The following NUAK1 variants were observed in gnomAD, a reference collection of about 807,000 sequenced individuals.
The protein encoded by NUAK1 is NUAK family SNF1-like kinase 1.
Under a neutral mutation model 56.9 loss-of-function variants are expected in NUAK1, and 26 were observed. The ratio of observed to expected loss-of-function variants is 0.46; its 90% CI spans 0.33 to 0.63. The LOEUF (loss-of-function observed/expected upper bound fraction) is 0.63. Ranked by LOEUF, NUAK1 falls within the 30% of genes least tolerant of loss-of-function variation. NUAK1 has a pLI of 0.02. For missense variants in NUAK1, 727 were observed against 876.1 expected (o/e 0.83, Z 2.15); for synonymous variants, 337 against 336.0 (o/e 1.00, Z -0.03).
chr12:106,075,787 AG>A (rs948726146), intron 4 of NUAK1, among the ~76,000 whole-genome samples: 2 of 152,268 alleles, frequency 1.3e-5, no homozygotes, highest in Non-Finnish European at 2.9e-5. Context: ...CTTTGGATTA[AG>A]TCAAGAAGAA....
chr12:106,109,638 C>T (rs1461143432), intron 1 of NUAK1, among the ~76,000 whole-genome samples: 1 of 152,008 alleles, frequency 6.6e-6, no homozygotes, highest in South Asian at 2.1e-4. Flanking sequence ...TACACTGAGC[C>T]AGTGCACAGA....
At chr12:106,136,452 C>G (rs1375138657) in intron 1 of NUAK1, among the ~76,000 whole-genome samples, 2 of 152,188 alleles carry the variant, frequency 1.3e-5, no homozygotes, top group South Asian at 4.1e-4. Flanking sequence ...GAAAGGCGGA[C>G]TCCTGCCTAC....
At chr12:106,074,734 G>A (rs962583291) in intron 4 of NUAK1, among the ~76,000 whole-genome samples, 1 of 152,156 alleles carries the variant, frequency 6.6e-6, no homozygotes, top group Non-Finnish European at 1.5e-5. Context: ...AGGCTCTGTG[G>A]TGGTCACAGC....
At chr12:106,118,845 G>A (rs1305402096) in intron 1 of NUAK1, among the ~76,000 whole-genome samples, 1 of 152,238 alleles carries the variant, frequency 6.6e-6, no homozygotes, top group Non-Finnish European at 1.5e-5. Flanking sequence ...GACATCTGAA[G>A]CCAGCCCGGC....
At chr12:106,111,178 G>A (rs544130892) in intron 1 of NUAK1, among the ~76,000 whole-genome samples, 1 of 152,250 alleles carries the variant, frequency 6.6e-6, no homozygotes, top group African/African-American at 2.4e-5. Context: ...GTGGAAACTA[G>A]GTAAGTAAAG....
chr12:106,088,244 A>G (rs1255490343), intron 2 of NUAK1, among the ~76,000 whole-genome samples: 2 of 152,186 alleles, frequency 1.3e-5, no homozygotes, highest in Non-Finnish European at 2.9e-5. Context: ...GAAATCCATC[A>G]TCACTCTTAA....
At chr12:106,132,193 T>C (rs544466142) in intron 1 of NUAK1, among the ~76,000 whole-genome samples, 1 of 152,376 alleles carries the variant, frequency 6.6e-6, no homozygotes, top group African/African-American at 2.4e-5. Flanking sequence ...AGGGTCTGCC[T>C]GTCTTTTCAG....
At chr12:106,136,607 A>G (rs2033131995) in intron 1 of NUAK1, among the ~76,000 whole-genome samples, 1 of 152,174 alleles carries the variant, frequency 6.6e-6, no homozygotes, top group East Asian at 1.9e-4. Flanking sequence ...GTGCCCCAGC[A>G]TTTAGACTTT....
intron 2 of NUAK1, 131 bp from the exon 3 acceptor site, chr12:106,087,016 T>A: frequency 8.9e-7 from 1 of 1,127,330 alleles, no homozygotes; most frequent in South Asian, 1.6e-5. Flanking sequence ...AGAACACAAA[T>A]CAGCCAATTC....
intron 2 of NUAK1, among the ~76,000 whole-genome samples, chr12:106,092,413 G>A (rs973551543): frequency 6.6e-6 from 1 of 152,028 alleles, no homozygotes; most frequent in African/African-American, 2.4e-5. Context: ...AGCTACTCAG[G>A]AGGTTGAGGG....
chr12:106,116,059 G>A (rs752896061), intron 1 of NUAK1, among the ~76,000 whole-genome samples: 22 of 152,060 alleles, frequency 1.4e-4, no homozygotes, highest in Admixed American at 5.2e-4. Context: ...TTATAACCTC[G>A]CTCACCATTG....
intron 1 of NUAK1, among the ~76,000 whole-genome samples, chr12:106,110,408 C>T (rs1459586922): frequency 1.3e-5 from 2 of 152,134 alleles, no homozygotes; most frequent in African/African-American, 4.8e-5. Flanking sequence ...GGGCAATAAG[C>T]AAAACTCACA....
rs534554844 is a variant in NUAK1, at chr12:106,063,490, C to T, written c.*3312G>A. 13 of 152,646 alleles carry T rather than the reference C, an allele frequency of 8.5e-5. No homozygotes were observed. In the South Asian group the frequency reaches 1.0e-3, roughly 12 times the overall value. The allele number at this position is 152,646 out of a possible 1,614,324, so 9.5% of individuals were successfully genotyped here. A position where few individuals can be genotyped will look rare whatever the true frequency, so the allele number is the denominator to read the frequency against. On this transcript the variant is annotated 3_prime_UTR_variant, in exon 7 of 7. Transcript: ENST00000261402. ...CCCTGTAGGCTGTTCTGGGCTCAAA[C>T]CAATCAAATGAGTGAAAACCAATTT...
chr12:106,132,174 G>A (rs1175120223), intron 1 of NUAK1, among the ~76,000 whole-genome samples: 8 of 152,208 alleles, frequency 5.3e-5, no homozygotes, highest in Admixed American at 3.3e-4. Context: ...AGGGGAATTC[G>A]TGCAGAAAAG....
At chr12:106,113,217 G>A (rs1295655594) in intron 1 of NUAK1, among the ~76,000 whole-genome samples, 3 of 152,110 alleles carry the variant, frequency 2.0e-5, no homozygotes, top group Non-Finnish European at 4.4e-5. Context: ...CTAAGAAACC[G>A]TGGGCAGATT....
chr12:106,063,424 G>A lies in NUAK1; in HGVS notation c.*3378C>T, dbSNP rs2032302498. On this transcript the variant is annotated 3_prime_UTR_variant, in exon 7 of 7. Coordinates refer to ENST00000261402, the MANE Select transcript of NUAK1 (RefSeq NM_014840.3). The stretch of plus-strand genomic sequence containing the variant: ...AATGAAACAAAAATCAGTTTCCAAC[G>A]AAAATACAAACACTTTGGGTGGTTA... 2 of 152,528 alleles carry A rather than the reference G, an allele frequency of 1.3e-5. No homozygotes were observed. Among genetic ancestry groups the A allele is most frequent in the Non-Finnish European group, 2.9e-5 (2 of 67,972 alleles). 9.4% of individuals were successfully genotyped at this position (152,528 alleles called of 1,614,324 possible).
At chr12:106,112,563 C>T (rs979795599) in intron 1 of NUAK1, among the ~76,000 whole-genome samples, 11 of 152,142 alleles carry the variant, frequency 7.2e-5, no homozygotes, top group Non-Finnish European at 1.3e-4. Flanking sequence ...TAAATGACCC[C>T]GGGCTCTTTA....
In NUAK1 at chr12:106,063,789, G is replaced by C. The variant is rs1246449531; in HGVS notation, c.*3013C>G. The stretch of plus-strand genomic sequence containing the variant: ...AACATTTCCAGTTTGGCAACAAGCA[G>C]TCAGTCGATCATTCACATTTGTACT... On this transcript the variant is annotated 3_prime_UTR_variant, in exon 7 of 7. Coordinates refer to ENST00000261402, the MANE Select transcript of NUAK1 (RefSeq NM_014840.3). 1 of 152,066 alleles carries C rather than the reference G, an allele frequency of 6.6e-6. No homozygotes were observed. Among genetic ancestry groups the C allele is most frequent in the African/African-American group, 2.4e-5 (1 of 41,186 alleles). 9.4% of individuals were successfully genotyped at this position (152,066 alleles called of 1,614,324 possible). A position where few individuals can be genotyped will look rare whatever the true frequency, so the allele number is the denominator to read the frequency against.
At chr12:106,097,640 T>C (rs58813974) in intron 2 of NUAK1, among the ~76,000 whole-genome samples, 2,934 of 152,302 alleles carry the variant, frequency 0.019, 89 homozygotes, top group African/African-American at 0.068. Flanking sequence ...TAACTGATGC[T>C]AGAAATACAG....
Sources: gnomAD v4.1 joint callset for allele counts (sites outside exome capture counted in the v4.1 genomes callset) on GRCh38, gnomAD v4.1.1 for gene constraint, MANE v1.5 for transcripts, NCBI Gene and HGNC (gene_info 2026-07-23, HGNC 2026-07-21) for gene names.